The following SUGCT variants were observed in gnomAD, a reference collection of about 807,000 sequenced individuals.
SUGCT encodes succinyl-CoA:glutarate CoA-transferase.
In SUGCT, 41 loss-of-function variants were observed where a neutral mutation model predicts 55.0. That is an observed-to-expected ratio of 0.74 (90% confidence interval 0.58 to 0.97). The LOEUF is 0.97. Ranked by LOEUF, SUGCT falls within the 50% of genes least tolerant of loss-of-function variation. SUGCT has a pLI of 0.00. For synonymous variants in SUGCT, 187 were observed against 200.4 expected, an observed-to-expected ratio of 0.93 and a Z score of 0.56; for missense variants, 568 against 547.8, an observed-to-expected ratio of 1.04 and a Z score of -0.37.
At chr7:40,165,363 GTTTA>G (rs1193460800) in intron 1 of SUGCT, among the ~76,000 whole-genome samples, 2 of 152,092 alleles carry the variant, frequency 1.3e-5, no homozygotes, top group Admixed American at 6.6e-5. Flanking sequence ...TGTTGCTCAA[GTTTA>G]TTTGTGTCGT....
intron 3 of SUGCT, among the ~76,000 whole-genome samples, chr7:40,186,238 T>G: frequency 9.5e-6 from 1 of 105,410 alleles, no homozygotes; most frequent in South Asian, 3.6e-4. Context: ...CTCCCCTCCC[T>G]TCTCCCCTTT....
chr7:40,450,617 A>T (rs1247134003), intron 10 of SUGCT, among the ~76,000 whole-genome samples: 1 of 151,980 alleles, frequency 6.6e-6, no homozygotes, highest in African/African-American at 2.4e-5. Context: ...TCTACTAATA[A>T]ATACAAACAA....
At chr7:40,936,235 A>G in the SUGCT span, among the ~76,000 whole-genome samples, 1 of 149,984 alleles carries the variant, frequency 6.7e-6, no homozygotes, top group African/African-American at 2.4e-5. Flanking sequence ...GATGTTTATT[A>G]TTATTATTAT....
At chr7:40,218,844 T>A (rs1030896103) in intron 6 of SUGCT, among the ~76,000 whole-genome samples, 1 of 152,142 alleles carries the variant, frequency 6.6e-6, no homozygotes, top group African/African-American at 2.4e-5. Flanking sequence ...AATGGACCAA[T>A]CAGCACTCTG....
chr7:40,996,210 C>A, the SUGCT span, among the ~76,000 whole-genome samples: 1 of 152,198 alleles, frequency 6.6e-6, no homozygotes, highest in African/African-American at 2.4e-5. Context: ...GAGTTAACTA[C>A]ATGTCCATGC....
At chr7:40,565,873 G>A (rs1796103591) in intron 12 of SUGCT, among the ~76,000 whole-genome samples, 2 of 151,696 alleles carry the variant, frequency 1.3e-5, no homozygotes, top group South Asian at 4.2e-4. Flanking sequence ...ATTTTATGTA[G>A]GACTCTGCTC....
chr7:40,894,794 A>T, the SUGCT span, among the ~76,000 whole-genome samples: 1 of 152,188 alleles, frequency 6.6e-6, no homozygotes, highest in Non-Finnish European at 1.5e-5. Context: ...GGCTATTATT[A>T]AAAAAGTCAG....
At chr7:40,564,529 C>G (rs1455948525) in intron 12 of SUGCT, among the ~76,000 whole-genome samples, 1 of 152,192 alleles carries the variant, frequency 6.6e-6, no homozygotes, top group Admixed American at 6.5e-5. Context: ...TGAAATTTCT[C>G]TTTATAAGAG....
chr7:40,377,128 C>CTTTCTT (rs1491225270), intron 9 of SUGCT, among the ~76,000 whole-genome samples: 197 of 6,328 alleles, frequency 0.031, 54 homozygotes, highest in Admixed American at 0.066. Flanking sequence ...TTCAGCCTTC[C>CTTTCTT]TCTTTCTTTC....
chr7:40,173,149 T>TAA (rs1274321992), intron 1 of SUGCT, among the ~76,000 whole-genome samples: 1 of 152,174 alleles, frequency 6.6e-6, no homozygotes, highest in East Asian at 1.9e-4. Flanking sequence ...CAGTGAGTGT[T>TAA]ACACCTCTGT....
At chr7:40,578,964 A>G (rs1216224578) in intron 12 of SUGCT, among the ~76,000 whole-genome samples, 1 of 152,204 alleles carries the variant, frequency 6.6e-6, no homozygotes, top group Non-Finnish European at 1.5e-5. Flanking sequence ...AGTGTCTAGA[A>G]CATGTAAGCA....
At chr7:40,590,265 A>T (rs1273753367) in intron 12 of SUGCT, among the ~76,000 whole-genome samples, 2 of 152,204 alleles carry the variant, frequency 1.3e-5, no homozygotes, top group Non-Finnish European at 2.9e-5. Context: ...AGACGATAAT[A>T]TTAATATTTG....
chr7:40,676,223 T>C (rs1783970849), intron 12 of SUGCT, among the ~76,000 whole-genome samples: 1 of 152,288 alleles, frequency 6.6e-6, no homozygotes, highest in South Asian at 2.1e-4. Flanking sequence ...ATGGAGTTAT[T>C]GTTAAATTTA....
chr7:40,370,965 G>C (rs1784268833), intron 9 of SUGCT, among the ~76,000 whole-genome samples: 1 of 152,040 alleles, frequency 6.6e-6, no homozygotes, highest in African/African-American at 2.4e-5. Context: ...AGGATATATA[G>C]TTGGAGGAAC....
intron 12 of SUGCT, among the ~76,000 whole-genome samples, chr7:40,655,157 G>A (rs1210182539): frequency 3.9e-5 from 6 of 152,056 alleles, no homozygotes; most frequent in East Asian, 1.9e-4. Flanking sequence ...AGCTGAGTGC[G>A]GTGGCGTGTG....
intron 13 of SUGCT, among the ~76,000 whole-genome samples, chr7:40,852,981 G>T (rs1297377071): frequency 1.3e-5 from 2 of 151,340 alleles, no homozygotes; most frequent in Non-Finnish European, 2.9e-5. Flanking sequence ...CTTTCAAAGG[G>T]TTTCAAGAGC....
intron 9 of SUGCT, among the ~76,000 whole-genome samples, chr7:40,362,141 C>G (rs141673505): frequency 6.6e-6 from 1 of 151,902 alleles, no homozygotes; most frequent in Non-Finnish European, 1.5e-5. Flanking sequence ...CAACCATGCC[C>G]GGCGCAGTGG....
intron 12 of SUGCT, among the ~76,000 whole-genome samples, chr7:40,518,807 T>C (rs1412683510): frequency 6.6e-6 from 1 of 151,948 alleles, no homozygotes; most frequent in Admixed American, 6.6e-5. Context: ...GAACTCCCAA[T>C]GGCCAAAGTT....
intron 12 of SUGCT, among the ~76,000 whole-genome samples, chr7:40,719,955 C>T (rs913145691): frequency 3.3e-5 from 5 of 152,086 alleles, no homozygotes; most frequent in Admixed American, 3.3e-4. Context: ...GCCACTACGC[C>T]CGGCTAATTT....
Sources: gnomAD v4.1 joint callset for allele counts (sites outside exome capture counted in the v4.1 genomes callset) on GRCh38, gnomAD v4.1.1 for gene constraint, MANE v1.5 for transcripts, NCBI Gene and HGNC (gene_info 2026-07-23, HGNC 2026-07-21) for gene names.